CDK15: variants seen among roughly 807,000 people sequenced by gnomAD.
CDK15 encodes the protein cyclin dependent kinase 15.
CDK15 carries 62 observed loss-of-function variants against 60.3 expected under a neutral mutation model. That is an observed-to-expected ratio of 1.03 (90% CI 0.84 to 1.27). CDK15 has a LOEUF of 1.27. Among genes scored for constraint, CDK15 ranks in the 50% most tolerant of loss-of-function variants. CDK15 has a pLI of 0.00. For synonymous variants in CDK15, 194 were observed against 195.7 expected, an observed-to-expected ratio of 0.99 and a Z score of 0.07; for missense variants, 541 against 527.8, an observed-to-expected ratio of 1.03 and a Z score of -0.25.
In CDK15 at chr2:201,880,120, A is replaced by G. The variant is rs1156560901; in HGVS notation, c.1151A>G (p.His384Arg). The G allele has an allele frequency of 1.7e-5, 27 of 1,613,906 alleles. No homozygotes were observed. The highest frequency in any genetic ancestry group is 2.3e-5 in the Non-Finnish European group (27 of 1,180,008). ...GTCTCCGCCCAGGAAGCACTTGTTC[A>G]TGATTATTTCAGCGCCCTGCCATCT... ...DRVSAQEALV[H>R]DYFSALPSQL... The change falls in exon 12 of 14, where the codon CAT (histidine) becomes CGT (arginine). Residue 384 changes from histidine (H) to arginine (R), a missense_variant. Coordinates refer to ENST00000652192, the MANE Select transcript of CDK15 (RefSeq NM_001366386.2).
intron 3 of CDK15, chr2:201,808,658 T>A (rs907731237): frequency 2.0e-5 from 3 of 152,278 alleles, no homozygotes; most frequent in South Asian, 2.1e-4. Flanking sequence ...TCAATAGTGG[T>A]TAAATATTAA....
Position 201,822,911 on chromosome 2 carries a change from G to C in CDK15, c.543+8G>C. 1.3e-6 allele frequency: 2 copies of C among 1,557,922 alleles called. No individual in the cohort carries two copies. Among genetic ancestry groups the C allele is most frequent in the Non-Finnish European group, 1.8e-6 (2 of 1,129,480 alleles). On this transcript the variant is annotated splice_region_variant and intron_variant, in intron 5 of 13. Coordinates refer to ENST00000652192, the MANE Select transcript of CDK15 (RefSeq NM_001366386.2). ...TTCGTTTTTGAATACATGGTGAGTTGTTCGAGCATTTTACAACACTTGAGA... is the reference window on the plus strand; with the variant it reads ...TTCGTTTTTGAATACATGGTGAGTTCTTCGAGCATTTTACAACACTTGAGA...
intron 8 of CDK15, among the ~76,000 whole-genome samples, chr2:201,845,547 T>A (rs2105770639): frequency 6.7e-6 from 1 of 148,812 alleles, no homozygotes; most frequent in East Asian, 2.0e-4. Context: ...AGCCCAGAAT[T>A]TCAAGACCAG....
intron 10 of CDK15, chr2:201,861,570 T>G: frequency 1.0e-6 from 1 of 955,294 alleles, no homozygotes; most frequent in Non-Finnish European, 1.2e-6. Context: ...TTTTTCTTTT[T>G]TTTTTTTTTT....
At chr2:201,814,225 G>A (rs758595271) in intron 4 of CDK15, among the ~76,000 whole-genome samples, 3 of 152,158 alleles carry the variant, frequency 2.0e-5, no homozygotes, top group Non-Finnish European at 4.4e-5. Flanking sequence ...ACCTGGATCC[G>A]TTTTCTTCTG....
intron 4 of CDK15, among the ~76,000 whole-genome samples, chr2:201,819,934 C>T (rs1407493146): frequency 1.3e-5 from 2 of 152,082 alleles, no homozygotes; most frequent in Non-Finnish European, 2.9e-5. Context: ...AGTTTATACC[C>T]AGTATTGTTA....
Position 201,894,776 on chromosome 2 carries a change from G to A in CDK15, c.*1509G>A, listed in dbSNP as rs1341265595. On this transcript the variant is annotated 3_prime_UTR_variant, in exon 14 of 14. Transcript: ENST00000652192. ...TTCTCCAATGTTCCTGACACCTATCGAATTTAGAGAATACACAACTCTTGC... is the reference window on the plus strand; with the variant it reads ...TTCTCCAATGTTCCTGACACCTATCAAATTTAGAGAATACACAACTCTTGC... 6.6e-6 allele frequency: 1 copy of A among 152,208 alleles called. No individual in the cohort carries two copies. The highest frequency in any genetic ancestry group is 1.5e-5 in the Non-Finnish European group (1 of 68,006). 9.4% of individuals were successfully genotyped at this position (152,208 alleles called of 1,614,324 possible). A position where few individuals can be genotyped will look rare whatever the true frequency, so the allele number is the denominator to read the frequency against.
chr2:201,838,180 A>C (rs1021076896), intron 8 of CDK15, among the ~76,000 whole-genome samples: 4 of 152,052 alleles, frequency 2.6e-5, no homozygotes, highest in African/African-American at 9.7e-5. Context: ...AGTGATTCTC[A>C]ACCAGGGAGC....
chr2:201,867,720 C>G (rs1357417534), intron 10 of CDK15, among the ~76,000 whole-genome samples: 1 of 152,158 alleles, frequency 6.6e-6, no homozygotes, highest in Non-Finnish European at 1.5e-5. Flanking sequence ...TCAGGGCTTC[C>G]TTTCTCGTAA....
At chr2:201,836,142 A>ATAT (rs1697063009) in intron 8 of CDK15, among the ~76,000 whole-genome samples, 4 of 96,292 alleles carry the variant, frequency 4.2e-5, no homozygotes, top group Non-Finnish European at 2.0e-5. Context: ...ATATTTATAT[A>ATAT]TTATATATAT....
chr2:201,822,012 T>C (rs1245579564), intron 4 of CDK15, among the ~76,000 whole-genome samples: 2 of 152,200 alleles, frequency 1.3e-5, no homozygotes, highest in East Asian at 3.9e-4. Flanking sequence ...TTTTCTAGTC[T>C]CTGCTTTCCT....
chr2:201,857,087 G>A (rs1250923819), intron 10 of CDK15, among the ~76,000 whole-genome samples: 2 of 80,942 alleles, frequency 2.5e-5, no homozygotes, highest in Non-Finnish European at 4.4e-5. Flanking sequence ...TTAGCCGGGC[G>A]CGGTGGCGGG....
chr2:201,809,054 C>T lies in CDK15; in HGVS notation c.368+1102C>T, dbSNP rs1425627266. Among the ~76,000 whole-genome samples the T allele has an allele frequency of 2.0e-5, 3 of 152,256 alleles. No individual in the cohort carries two copies. The East Asian group carries it at 5.8e-4, about 29-fold the overall frequency. ...ACTCTCCTGCCCCTGGCCCTTTATACTTTCTTAATCTGTTTTAGTCATGGT... is the reference window on the plus strand; with the variant it reads ...ACTCTCCTGCCCCTGGCCCTTTATATTTTCTTAATCTGTTTTAGTCATGGT... On this transcript the variant is annotated intron_variant, in intron 3 of 13. Transcript: ENST00000652192.
chr2:201,840,894 C>T (rs1164253322), intron 8 of CDK15, among the ~76,000 whole-genome samples: 4 of 152,122 alleles, frequency 2.6e-5, no homozygotes, highest in Non-Finnish European at 4.4e-5. Flanking sequence ...TTTGGTATAT[C>T]TTGTGTTTCT....
At chr2:201,870,601 T>A (rs1698817867) in intron 10 of CDK15, among the ~76,000 whole-genome samples, 1 of 151,504 alleles carries the variant, frequency 6.6e-6, no homozygotes, top group African/African-American at 2.4e-5. Flanking sequence ...TGGTGGTGTA[T>A]GCCTGTCATC....
At chr2:201,837,196 G>A (rs148857234) in intron 8 of CDK15, among the ~76,000 whole-genome samples, 2,169 of 151,872 alleles carry the variant, frequency 0.014, 19 homozygotes, top group South Asian at 0.038. Context: ...GCTGAAGTAG[G>A]AGGATCTCCT....
intron 1 of CDK15, 143 bp downstream of exon 1, chr2:201,806,930 A>T: frequency 9.9e-7 from 1 of 1,015,214 alleles, no homozygotes; most frequent in Non-Finnish European, 1.3e-6. Context: ...CAGAAAATTT[A>T]TGGCTGTAGT....
intron 10 of CDK15, among the ~76,000 whole-genome samples, chr2:201,868,686 C>CA (rs77783484): frequency 0.11 from 15,171 of 135,600 alleles, 808 homozygotes; most frequent in Admixed American, 0.14. Flanking sequence ...AATAAGTTTA[C>CA]AAAAAAAAAA....
chr2:201,888,442 A>T, intron 12 of CDK15: 1 of 1,534,050 alleles, frequency 6.5e-7, no homozygotes, highest in Non-Finnish European at 8.7e-7. Context: ...ACCCGCTTTC[A>T]TATTTATTTA....
Sources: gnomAD v4.1 joint callset for allele counts (sites outside exome capture counted in the v4.1 genomes callset) on GRCh38, gnomAD v4.1.1 for gene constraint, MANE v1.5 for transcripts, NCBI Gene and HGNC (gene_info 2026-07-23, HGNC 2026-07-21) for gene names.